The following NEMP1 variants were observed in gnomAD, a reference collection of about 807,000 sequenced individuals.
The protein encoded by NEMP1 is nuclear envelope integral membrane protein 1.
Under a neutral mutation model 53.7 loss-of-function variants are expected in NEMP1, and 29 were observed. The ratio of observed to expected loss-of-function variants is 0.54; its 90% CI spans 0.40 to 0.74. The LOEUF (loss-of-function observed/expected upper bound fraction) is 0.74. Ranked by LOEUF, NEMP1 falls within the 30% of genes least tolerant of loss-of-function variation. NEMP1 has a pLI of 0.00. For missense variants in NEMP1, 477 were observed against 528.6 expected (o/e 0.90, Z 0.96); for synonymous variants, 193 against 192.9 (o/e 1.00, Z 0.00).
chr12:57,065,906 T>C (rs1214731050), intron 4 of NEMP1, among the ~76,000 whole-genome samples: 5 of 152,116 alleles, frequency 3.3e-5, no homozygotes, highest in Non-Finnish European at 7.4e-5. Context: ...CCTCTCACCC[T>C]TCACAGAATT....
At chr12:57,080,587 A>G (rs1484256876), upstream of NEMP1, among the ~76,000 whole-genome samples, 4 of 148,222 alleles carry the variant, frequency 2.7e-5, no homozygotes, top group Admixed American at 2.7e-4. Context: ...TCAAAAGAGA[A>G]AAAAAAAAAA....
intron 1 of NEMP1, among the ~76,000 whole-genome samples, chr12:57,076,028 T>C (rs545231447): frequency 6.6e-6 from 1 of 151,810 alleles, no homozygotes; most frequent in South Asian, 2.1e-4. Context: ...CGCTTGAACC[T>C]AGGTGGCCGA....
chr12:57,087,697 T>C (rs1344607181), intron 1 of NEMP1, among the ~76,000 whole-genome samples: 2 of 151,876 alleles, frequency 1.3e-5, no homozygotes, highest in African/African-American at 4.8e-5. Flanking sequence ...TAGGCCACAT[T>C]GTAAAACCAG....
At chr12:57,074,758 T>C (rs958728265) in intron 1 of NEMP1, among the ~76,000 whole-genome samples, 2 of 152,204 alleles carry the variant, frequency 1.3e-5, no homozygotes, top group Non-Finnish European at 2.9e-5. Flanking sequence ...CTCCTCTCAA[T>C]TTGTATTTAA....
At chr12:57,066,258 A>C (rs979873746) in intron 4 of NEMP1, among the ~76,000 whole-genome samples, 6 of 152,178 alleles carry the variant, frequency 3.9e-5, no homozygotes, top group African/African-American at 7.2e-5. Context: ...CTGTCTCAAA[A>C]AAACAAACAA....
intron 7 of NEMP1, among the ~76,000 whole-genome samples, chr12:57,061,224 C>G (rs536445266): frequency 4.1e-4 from 63 of 152,058 alleles, no homozygotes; most frequent in African/African-American, 1.5e-3. Context: ...TTTTACTAGA[C>G]CTTTTTATTT....
upstream of NEMP1, among the ~76,000 whole-genome samples, chr12:57,088,594 G>C (rs2233268): frequency 4.7e-3 from 716 of 152,314 alleles, 4 homozygotes; most frequent in African/African-American, 0.014. Flanking sequence ...GCGTGTGCAC[G>C]TCCGTGCGCT....
chr12:57,077,464 C>T (rs1009124535), intron 1 of NEMP1, among the ~76,000 whole-genome samples: 1 of 152,032 alleles, frequency 6.6e-6, no homozygotes, highest in African/African-American at 2.4e-5. Context: ...CACCACTGCA[C>T]TCCAGCCTGG....
At chr12:57,077,954 T>C (rs965090463) in intron 1 of NEMP1, among the ~76,000 whole-genome samples, 8 of 151,700 alleles carry the variant, frequency 5.3e-5, no homozygotes, top group African/African-American at 1.7e-4. Flanking sequence ...CGGTGGCGGG[T>C]GCCTGTAATC....
intron 1 of NEMP1, among the ~76,000 whole-genome samples, chr12:57,087,774 G>A (rs2033057826): frequency 6.6e-6 from 1 of 152,150 alleles, no homozygotes; most frequent in African/African-American, 2.4e-5. Context: ...GGACAGAGAG[G>A]CGGGGCGGGG....
chr12:57,067,241 A>G (rs896028168), intron 4 of NEMP1, among the ~76,000 whole-genome samples: 18 of 152,012 alleles, frequency 1.2e-4, no homozygotes, highest in South Asian at 4.2e-4. Context: ...GGAGAATGGC[A>G]TGAACCCGGA....
At chr12:57,067,325 A>G (rs76296957) in intron 4 of NEMP1, among the ~76,000 whole-genome samples, 2 of 148,268 alleles carry the variant, frequency 1.3e-5, no homozygotes, top group African/African-American at 4.9e-5. Context: ...CTCTGTCTCA[A>G]AAAAAAAAAA....
At chr12:57,077,310 C>A (rs1203050450) in intron 1 of NEMP1, among the ~76,000 whole-genome samples, 1 of 129,190 alleles carries the variant, frequency 7.7e-6, no homozygotes, top group Non-Finnish European at 1.6e-5. Context: ...CCAGCCTGCG[C>A]GAAAGAGGGA....
intron 4 of NEMP1, 142 bp downstream of exon 4, chr12:57,069,087 TTAAAG>T (rs2062139139): frequency 2.0e-6 from 1 of 510,716 alleles, no homozygotes; most frequent in African/African-American, 2.0e-5. Context: ...ATAATACACA[TTAAAG>T]TATTTTTTTA....
intron 8 of NEMP1, 66 bp downstream of exon 8, chr12:57,060,706 G>T: frequency 6.7e-7 from 1 of 1,492,676 alleles, no homozygotes; most frequent in Non-Finnish European, 9.0e-7. Context: ...CTAGAAGTAT[G>T]ATCTCTGGTA....
Position 57,078,763 on chromosome 12 carries a change from T to A in NEMP1, c.-18A>T. The A allele has an allele frequency of 6.2e-7, 1 of 1,605,248 alleles. No individual in the cohort carries two copies. The highest frequency in any genetic ancestry group is 2.2e-5 in the East Asian group (1 of 44,646). On this transcript the variant is annotated 5_prime_UTR_variant, in exon 1 of 9. Coordinates refer to ENST00000300128, the MANE Select transcript of NEMP1 (RefSeq NM_001130963.2). ...CCCGCCATGGTTGCCTCAAGCCACCTCCTCCTCACGTGCCTTACCCCAGCA... is the reference window on the plus strand; with the variant it reads ...CCCGCCATGGTTGCCTCAAGCCACCACCTCCTCACGTGCCTTACCCCAGCA...
intron 3 of NEMP1, 34 bp downstream of exon 3, chr12:57,070,640 C>T (rs1027250407): frequency 3.3e-6 from 5 of 1,521,370 alleles, no homozygotes; most frequent in African/African-American, 2.8e-5. Flanking sequence ...CTTATCACTA[C>T]AGAATCCATC....
At chr12:57,083,648 T>A (rs2035545), upstream of NEMP1, among the ~76,000 whole-genome samples, 14,881 of 152,322 alleles carry the variant, frequency 0.098, 767 homozygotes, top group East Asian at 0.19. Flanking sequence ...TATGACTTCA[T>A]ACTGTGGTAA....
intron 4 of NEMP1, among the ~76,000 whole-genome samples, chr12:57,066,529 T>C (rs1176186989): frequency 2.6e-5 from 4 of 152,356 alleles, no homozygotes; most frequent in East Asian, 1.9e-4. Flanking sequence ...TTCCTTTCAG[T>C]TGAAGACTCA....
Sources: gnomAD v4.1 joint callset for allele counts (sites outside exome capture counted in the v4.1 genomes callset) on GRCh38, gnomAD v4.1.1 for gene constraint, MANE v1.5 for transcripts, NCBI Gene and HGNC (gene_info 2026-07-23, HGNC 2026-07-21) for gene names.